Variants in LYRM4 observed in about 807,000 individuals in gnomAD.
LYRM4 encodes the protein LYR motif containing 4.
Under a neutral mutation model 11.7 loss-of-function variants are expected in LYRM4, and 9 were observed. The observed-to-expected ratio is 0.77, with a 90% CI of 0.46 to 1.34. The LOEUF is 1.34. LYRM4 is among the 40% of genes most tolerant of loss of function. LYRM4 has a pLI of 0.00. For missense variants in LYRM4, 133 were observed against 112.5 expected (o/e 1.18, Z -0.82); for synonymous variants, 42 against 40.4 (o/e 1.04, Z -0.15).
chr6:5,250,118 C>T (rs1764362538), intron 1 of LYRM4, among the ~76,000 whole-genome samples: 1 of 152,128 alleles, frequency 6.6e-6, no homozygotes, highest in Non-Finnish European at 1.5e-5. Context: ...CTTTACTCCT[C>T]ATTTTCTTAT....
chr6:5,093,598 C>T, the LYRM4 span, among the ~76,000 whole-genome samples: 4 of 152,250 alleles, frequency 2.6e-5, no homozygotes, highest in Non-Finnish European at 5.9e-5. Context: ...TAATTTGCCA[C>T]TTTACAAAAA....
At chr6:5,245,983 C>A (rs1764179026) in intron 1 of LYRM4, among the ~76,000 whole-genome samples, 1 of 151,814 alleles carries the variant, frequency 6.6e-6, no homozygotes, top group Non-Finnish European at 1.5e-5. Context: ...GGACTTTATC[C>A]CAAAAACAAT....
intron 2 of LYRM4, among the ~76,000 whole-genome samples, chr6:5,154,552 C>T (rs1287017023): frequency 6.6e-6 from 1 of 152,034 alleles, no homozygotes; most frequent in Non-Finnish European, 1.5e-5. Context: ...CGCGGTGGCT[C>T]AAGCCTGTAA....
At chr6:5,119,210 TG>T (rs900224151) in intron 2 of LYRM4, among the ~76,000 whole-genome samples, 61 of 152,194 alleles carry the variant, frequency 4.0e-4, no homozygotes, top group African/African-American at 1.4e-3. Context: ...GGCAGAGTGA[TG>T]AGCAAGTTCA....
At chr6:5,214,934 C>T (rs1762187902) in intron 2 of LYRM4, among the ~76,000 whole-genome samples, 1 of 152,212 alleles carries the variant, frequency 6.6e-6, no homozygotes, top group Non-Finnish European at 1.5e-5. Context: ...GTGCAGTGGC[C>T]AGGCTGCCCT....
At chr6:5,155,071 G>A (rs959374632) in intron 2 of LYRM4, among the ~76,000 whole-genome samples, 1 of 152,046 alleles carries the variant, frequency 6.6e-6, no homozygotes, top group African/African-American at 2.4e-5. Flanking sequence ...CCTACTGTGA[G>A]ACGGATCTTT....
the LYRM4 span, chr6:5,086,213 C>A: frequency 6.5e-7 from 1 of 1,535,210 alleles, no homozygotes; most frequent in East Asian, 2.4e-5. Flanking sequence ...CTCAGCTGCC[C>A]TGGGCCCAGG....
At chr6:5,075,943 T>C in the LYRM4 span, among the ~76,000 whole-genome samples, 1 of 143,402 alleles carries the variant, frequency 7.0e-6, no homozygotes, top group Non-Finnish European at 1.5e-5. Flanking sequence ...GTTTATGTAT[T>C]TTTTTTTTTT....
At chr6:5,077,726 G>GT in the LYRM4 span, among the ~76,000 whole-genome samples, 2 of 152,006 alleles carry the variant, frequency 1.3e-5, no homozygotes, top group African/African-American at 2.4e-5. Flanking sequence ...AATTTAAAGG[G>GT]TTTTTTATCT....
chr6:5,229,944 C>T (rs1317782144), intron 1 of LYRM4, among the ~76,000 whole-genome samples: 1 of 152,204 alleles, frequency 6.6e-6, no homozygotes, highest in Admixed American at 6.5e-5. Context: ...TATAATTTAT[C>T]AAAATTAAAC....
At chr6:5,212,519 T>C (rs1033728999) in intron 2 of LYRM4, among the ~76,000 whole-genome samples, 1 of 152,190 alleles carries the variant, frequency 6.6e-6, no homozygotes, top group Non-Finnish European at 1.5e-5. Context: ...GGTCTGGACA[T>C]AAAAGGCCTC....
intron 2 of LYRM4, among the ~76,000 whole-genome samples, chr6:5,144,540 G>A (rs1378411360): frequency 6.7e-6 from 1 of 149,244 alleles, no homozygotes; most frequent in Non-Finnish European, 1.5e-5. Flanking sequence ...GGGAGGCTGA[G>A]GCAGGAGAAT....
At chr6:5,074,418 T>C in the LYRM4 span, among the ~76,000 whole-genome samples, 1 of 149,492 alleles carries the variant, frequency 6.7e-6, no homozygotes, top group African/African-American at 2.5e-5. Context: ...TTTTTTTTTT[T>C]TTTTGGAGTT....
chr6:5,110,484 C>T (rs1043642717), intron 2 of LYRM4, among the ~76,000 whole-genome samples: 7 of 152,180 alleles, frequency 4.6e-5, no homozygotes, highest in Non-Finnish European at 8.8e-5. Flanking sequence ...GTTTTCCATG[C>T]CATTTGCTCG....
intron 1 of LYRM4, among the ~76,000 whole-genome samples, chr6:5,224,623 TAGAG>T (rs1238880351): frequency 6.6e-6 from 1 of 152,202 alleles, no homozygotes; most frequent in African/African-American, 2.4e-5. Flanking sequence ...TTTTCAATAA[TAGAG>T]AATTGGCTAC....
chr6:5,205,737 T>A (rs1761659726), intron 2 of LYRM4, among the ~76,000 whole-genome samples: 1 of 152,232 alleles, frequency 6.6e-6, no homozygotes, highest in African/African-American at 2.4e-5. Flanking sequence ...ATTTTTGCTA[T>A]TTTTACCAGC....
At chr6:5,167,150 G>A (rs868009850) in intron 2 of LYRM4, among the ~76,000 whole-genome samples, 5 of 151,988 alleles carry the variant, frequency 3.3e-5, no homozygotes, top group African/African-American at 1.2e-4. Context: ...CCTTTTTCCC[G>A]TAAGTTCAAA....
At chr6:5,038,730 A>C in the LYRM4 span, among the ~76,000 whole-genome samples, 16 of 58,126 alleles carry the variant, frequency 2.8e-4, 5 homozygotes, top group African/African-American at 7.7e-4. Flanking sequence ...CCAAAAAAAA[A>C]CCGAAAACCA....
the LYRM4 span, chr6:5,086,020 G>A: frequency 3.3e-6 from 5 of 1,497,220 alleles, no homozygotes; most frequent in Non-Finnish European, 4.4e-6. Context: ...GCAGCTCGGG[G>A]GGCTGCTGGC....
Sources: allele counts gnomAD v4.1 joint callset (sites outside exome capture counted in the v4.1 genomes callset), GRCh38; gene constraint gnomAD v4.1.1; transcripts MANE v1.5; gene names NCBI Gene and HGNC (gene_info 2026-07-23, HGNC 2026-07-21).